The following PCDHA4 variants were observed in gnomAD, a reference collection of about 807,000 sequenced individuals.
PCDHA4 encodes protocadherin alpha-4.
In PCDHA4, 49 loss-of-function variants were observed where a neutral mutation model predicts 61.4. That is an observed-to-expected ratio of 0.80 (90% CI 0.63 to 1.01). The LOEUF is 1.01. PCDHA4 is among the 50% of genes least tolerant of loss of function. The pLI, the probability that PCDHA4 is intolerant of heterozygous loss-of-function variation, is 0.00. For synonymous variants in PCDHA4, 590 were observed against 550.3 expected (o/e 1.07, Z -1.01); for missense variants, 1,254 against 1,235.8 (o/e 1.01, Z -0.22).
chr5:140,905,152 G>T (rs2071629879), intron 1 of PCDHA4, among the ~76,000 whole-genome samples: 1 of 152,154 alleles, frequency 6.6e-6, no homozygotes. Context: ...TTATATTTTA[G>T]AATTTTCATG....
At chr5:140,819,004 A>G (rs1319614838) in intron 1 of PCDHA4, among the ~76,000 whole-genome samples, 1 of 152,238 alleles carries the variant, frequency 6.6e-6, no homozygotes, top group African/African-American at 2.4e-5. Context: ...TCCACAGAGG[A>G]TATATAATAT....
At chr5:140,856,295 T>C (rs782325790) in intron 1 of PCDHA4, 3 of 1,598,412 alleles carry the variant, frequency 1.9e-6, no homozygotes, top group Admixed American at 1.7e-5. Context: ...GAATGGCATT[T>C]TGTTTGTGAA....
At chr5:140,861,374 T>C in intron 1 of PCDHA4, 1 of 409,110 alleles carries the variant, frequency 2.4e-6, no homozygotes, top group Middle Eastern at 9.4e-4. Context: ...CGGTCCCTAT[T>C]GCGCAGGACC....
At chr5:140,850,396 C>T (rs2150482265) in intron 1 of PCDHA4, 1 of 1,597,978 alleles carries the variant, frequency 6.3e-7, no homozygotes, top group Non-Finnish European at 8.6e-7. Flanking sequence ...ATCAGCACAA[C>T]GCGTGCCCTG....
At chr5:140,968,909 G>A (rs782304408) in intron 1 of PCDHA4, 7 of 1,614,172 alleles carry the variant, frequency 4.3e-6, no homozygotes, top group Non-Finnish European at 5.1e-6. Context: ...ATTAAGCACA[G>A]TGTCTTTTAT....
At chr5:140,988,877 G>A (rs372950279) in intron 3 of PCDHA4, 8 of 152,310 alleles carry the variant, frequency 5.3e-5, no homozygotes, top group East Asian at 3.9e-4. Context: ...TCAGATGTAC[G>A]ATCCTGGATA....
In PCDHA4 at chr5:140,836,450, A is replaced by G. The variant is rs2150261212; in HGVS notation, c.2385+26878A>G. ...GGGCATCGTTGGGCATTGCAGGCCC[A>G]GAGACCGAGCTGGTGGATGTCAACG... On this transcript the variant is annotated intron_variant, in intron 1 of 3. Transcript: ENST00000530339. 70 of 1,613,750 alleles carry G rather than the reference A, an allele frequency of 4.3e-5. 1 individual carries two copies. The African/African-American group carries it at 8.4e-4, about 19-fold the overall frequency.
In PCDHA4 at chr5:140,924,786, T is replaced by G. The variant is rs2082007959; in HGVS notation, c.2386-54163T>G. Reference sequence around the variant, plus strand: ...GGTGCGCGCTTGTAGTCCTAGCTACTTAGGAGGCTGAGGCAAGAGAATCGC... The same window carrying G: ...GGTGCGCGCTTGTAGTCCTAGCTACGTAGGAGGCTGAGGCAAGAGAATCGC... On this transcript the variant is annotated intron_variant, in intron 1 of 3. Coordinates refer to ENST00000530339, the MANE Select transcript of PCDHA4 (RefSeq NM_018907.4). Among the ~76,000 whole-genome samples the G allele has an allele frequency of 4.6e-5, 7 of 151,720 alleles. No homozygotes were observed. In the South Asian group the frequency reaches 1.2e-3, roughly 27 times the overall value.
chr5:141,009,736 G>T lies in PCDHA4; in HGVS notation c.2643G>T (p.Leu881Phe). 1 of 1,614,086 alleles carries T rather than the reference G, an allele frequency of 6.2e-7. No homozygotes were observed. Among genetic ancestry groups the T allele is most frequent in the East Asian group, 2.2e-5 (1 of 44,872 alleles). Residue 881 changes from leucine to phenylalanine, a missense_variant, in exon 4 of 4, where the codon TTG becomes TTT. Leu to Phe is a conservative substitution (Grantham distance 22). Transcript: ENST00000530339. ...GNPKQSGPGE[L>F]PDKFIIPGSP... ...CCAAACAATCCGGTCCCGGTGAGTT[G>T]CCCGACAAATTCATTATCCCAGGAT...
At chr5:140,822,741 G>A (rs144515035) in intron 1 of PCDHA4, 8 of 1,613,400 alleles carry the variant, frequency 5.0e-6, no homozygotes, top group East Asian at 2.2e-5. Flanking sequence ...TTGATGCCAT[G>A]GATAAAAGTA....
At chr5:140,977,356 TA>T (rs2096758024) in intron 1 of PCDHA4, among the ~76,000 whole-genome samples, 1 of 152,250 alleles carries the variant, frequency 6.6e-6, no homozygotes, top group South Asian at 2.1e-4. Flanking sequence ...GACTGATTGA[TA>T]AAAAGTATTT....
chr5:140,884,484 T>TA, intron 1 of PCDHA4: 1 of 1,613,922 alleles, frequency 6.2e-7, no homozygotes, highest in Non-Finnish European at 8.5e-7. Flanking sequence ...AAGCCCACTC[T>TA]AGTGTGCTCC....
intron 3 of PCDHA4, among the ~76,000 whole-genome samples, chr5:140,985,631 T>C (rs551279134): frequency 1.2e-4 from 18 of 152,250 alleles, no homozygotes; most frequent in Admixed American, 1.2e-3. Flanking sequence ...GTATTGCTCT[T>C]CTCATCCCAA....
intron 1 of PCDHA4, chr5:140,850,432 G>A: frequency 6.3e-7 from 1 of 1,597,826 alleles, no homozygotes; most frequent in Non-Finnish European, 8.6e-7. Context: ...CCGCGCCAGC[G>A]CCTACTGGTG....
chr5:140,995,998 C>T (rs1197239441), intron 3 of PCDHA4, among the ~76,000 whole-genome samples: 1 of 152,192 alleles, frequency 6.6e-6, no homozygotes, highest in Non-Finnish European at 1.5e-5. Context: ...TCAAAAATGT[C>T]GTCAGAACTA....
Position 140,807,080 on chromosome 5 carries a change from T to C in PCDHA4, c.-108T>C, listed in dbSNP as rs782597531. ...ACTGGAAGGAACCATATACACTCTT[T>C]GGAGTCTGAAATATGGAGGATGCAG... On this transcript the variant is annotated 5_prime_UTR_variant, in exon 1 of 4. Transcript: ENST00000530339. The C allele has an allele frequency of 3.2e-6, 4 of 1,259,654 alleles. No individual in the cohort carries two copies. Among genetic ancestry groups the C allele is most frequent in the Non-Finnish European group, 4.5e-6 (4 of 898,684 alleles). The allele number at this position is 1,259,654 out of a possible 1,614,324, so 78.0% of individuals were successfully genotyped here. A position where few individuals can be genotyped will look rare whatever the true frequency, so the allele number is the denominator to read the frequency against.
intron 1 of PCDHA4, chr5:140,875,922 T>C: frequency 6.2e-7 from 1 of 1,614,200 alleles, no homozygotes; most frequent in South Asian, 1.1e-5. Context: ...CTCTGGACTC[T>C]CATTTTCCTC....
At chr5:140,870,100 T>G in intron 1 of PCDHA4, 3 of 1,613,914 alleles carry the variant, frequency 1.9e-6, no homozygotes, top group Non-Finnish European at 2.5e-6. Context: ...GGCAGGTCAC[T>G]GTACAGTCTG....
intron 1 of PCDHA4, chr5:140,830,640 C>T (rs1455236504): frequency 8.1e-6 from 4 of 493,148 alleles, no homozygotes; most frequent in African/African-American, 4.1e-5. Flanking sequence ...AATCTCTTTG[C>T]TTCTTTAATA....
Sources: gnomAD v4.1 joint callset for allele counts (sites outside exome capture counted in the v4.1 genomes callset) on GRCh38, gnomAD v4.1.1 for gene constraint, MANE v1.5 for transcripts, NCBI Gene and HGNC (gene_info 2026-07-23, HGNC 2026-07-21) for gene names.